BABAM1: variants seen among roughly 807,000 people sequenced by gnomAD.
BABAM1 encodes the protein BRISC and BRCA1-A complex member 1.
A neutral mutation model predicts 34.4 loss-of-function variants in BABAM1; 14 were observed. The ratio of observed to expected loss-of-function variants is 0.41; its 90% CI spans 0.27 to 0.64. BABAM1 has a LOEUF of 0.64. Ranked by LOEUF, BABAM1 falls within the 30% of genes least tolerant of loss-of-function variation. BABAM1 has a pLI of 0.34. For synonymous variants in BABAM1, 169 were observed against 165.8 expected (o/e 1.02, Z -0.15); for missense variants, 393 against 434.0 (o/e 0.91, Z 0.84).
chr19:17,276,996 C>A, intron 8 of BABAM1, 87 bp downstream of exon 8: 1 of 1,290,448 alleles, frequency 7.7e-7, no homozygotes, highest in South Asian at 1.3e-5. Flanking sequence ...GGGTCTCTAC[C>A]TCCATTTGAT....
chr19:17,275,478 C>A (rs2073897292), intron 5 of BABAM1, among the ~76,000 whole-genome samples: 1 of 151,924 alleles, frequency 6.6e-6, no homozygotes, highest in African/African-American at 2.4e-5. Context: ...TTAGTAGAGA[C>A]AGGGTTTCAC....
intron 3 of BABAM1, among the ~76,000 whole-genome samples, chr19:17,273,482 A>G (rs1256458503): frequency 6.6e-6 from 1 of 151,396 alleles, no homozygotes; most frequent in Non-Finnish European, 1.5e-5. Context: ...ACACCCCTGC[A>G]GTATGACCTA....
chr19:17,272,383 C>T (rs568018377), intron 3 of BABAM1, among the ~76,000 whole-genome samples: 9 of 150,838 alleles, frequency 6.0e-5, no homozygotes, highest in Non-Finnish European at 7.4e-5. Flanking sequence ...CCAGCCTGGG[C>T]GACAGAGCGA....
chr19:17,269,736 T>TTTG (rs1363223470), intron 2 of BABAM1, among the ~76,000 whole-genome samples: 309 of 151,666 alleles, frequency 2.0e-3, no homozygotes, highest in African/African-American at 7.0e-3. Flanking sequence ...AATTTTTTTT[T>TTTG]TTTGTTTTTT....
At chr19:17,276,667 G>T in intron 7 of BABAM1, 43 bp downstream of exon 7, 1 of 1,577,198 alleles carries the variant, frequency 6.3e-7, no homozygotes, top group Non-Finnish European at 8.6e-7. Flanking sequence ...GCAGCCATGA[G>T]GATGGTGGTT....
Position 17,273,942 on chromosome 19 carries a change from T to C in BABAM1, c.383T>C (p.Ile128Thr), listed in dbSNP as rs1313122615. 2.5e-6 allele frequency: 4 copies of C among 1,613,576 alleles called. No homozygotes were observed. The highest frequency in any genetic ancestry group is 3.4e-6 in the Non-Finnish European group (4 of 1,179,816). The change falls in exon 4 of 9, where the codon ATT (isoleucine) becomes ACT (threonine). Residue 128 changes from isoleucine (I) to threonine (T), a missense_variant. Transcript: ENST00000598188. ...TNALNVSQKM[I>T]EMFVRTKHKI... is the part of the protein sequence containing the mutation. ...GCCCTCAATGTCTCCCAGAAGATGA[T>C]TGAGATGTTCGTGCGGACAAAACAC...
intron 6 of BABAM1, among the ~76,000 whole-genome samples, chr19:17,276,030 C>T (rs1282633318): frequency 3.3e-5 from 5 of 152,020 alleles, no homozygotes; most frequent in Non-Finnish European, 5.9e-5. Flanking sequence ...CTCCAGCTGA[C>T]GGCAGTGATG....
chr19:17,279,038 C>A lies in BABAM1; in HGVS notation c.980C>A (p.Ala327Asp). The A allele has an allele frequency of 1.2e-6, 2 of 1,610,858 alleles. No individual in the cohort carries two copies. The highest frequency in any genetic ancestry group is 2.2e-5 in the East Asian group (1 of 44,826). The change falls in exon 9 of 9, where the codon GCC becomes GAC. Residue 327 changes from alanine to aspartate, a missense_variant. Ala to Asp is a moderately radical substitution (Grantham distance 126). Transcript: ENST00000598188. ...EEEDEAIEVE[A>D]TV ...GAGGATGAAGCCATTGAGGTTGAGG[C>A]CACTGTCTGAACCATCCCTGTACAT...
chr19:17,271,011 CAG>C (rs1025488808), intron 2 of BABAM1, among the ~76,000 whole-genome samples: 6 of 141,382 alleles, frequency 4.2e-5, no homozygotes, highest in African/African-American at 1.3e-4. Context: ...TTTTTTGAGA[CAG>C]AGTTTCACTC....
intron 3 of BABAM1, 87 bp downstream of exon 3, chr19:17,271,742 A>T: frequency 6.9e-7 from 1 of 1,453,302 alleles, no homozygotes; most frequent in Non-Finnish European, 9.5e-7. Flanking sequence ...TCTGAAACTC[A>T]CACCAGCTTG....
rs763354003 is a variant in BABAM1 at position 17,276,629 on chromosome 19, G to A, written c.699+5G>A. 3 of 1,600,946 alleles carry A rather than the reference G, an allele frequency of 1.9e-6. No homozygotes were observed. Among genetic ancestry groups the A allele is most frequent in the Non-Finnish European group, 2.6e-6 (3 of 1,173,944 alleles). ...TCCTTGACGGAGCCCATGAAGGTGG[G>A]TGAGGCCTGGGAGAGGGAGGGGTGC... On this transcript the variant is annotated splice_donor_5th_base_variant and intron_variant, in intron 7 of 8. Coordinates refer to ENST00000598188, the MANE Select transcript of BABAM1 (RefSeq NM_014173.4).
At chr19:17,278,510 T>C (rs573148601) in intron 8 of BABAM1, among the ~76,000 whole-genome samples, 124 of 152,104 alleles carry the variant, frequency 8.2e-4, no homozygotes, top group African/African-American at 2.7e-3. Flanking sequence ...GGGGTTTCAC[T>C]GTGTTAGCCA....
At chr19:17,274,499 C>T (rs948762276) in intron 5 of BABAM1, 13 of 335,702 alleles carry the variant, frequency 3.9e-5, no homozygotes, top group Admixed American at 8.9e-5. Context: ...GTCCGGGAGG[C>T]GGAGGTTGCA....
At chr19:17,272,517 T>C (rs1014766782) in intron 3 of BABAM1, among the ~76,000 whole-genome samples, 1 of 151,444 alleles carries the variant, frequency 6.6e-6, no homozygotes, top group African/African-American at 2.4e-5. Context: ...GCCATTCTCC[T>C]GCCTCAGCCT....
At chr19:17,277,605 C>G (rs1187966096) in intron 8 of BABAM1, 5 of 152,322 alleles carry the variant, frequency 3.3e-5, no homozygotes, top group Non-Finnish European at 5.9e-5. Context: ...CATCCCAGAC[C>G]TGAATTAGCT....
chr19:17,277,132 G>A, intron 8 of BABAM1: 1 of 502,308 alleles, frequency 2.0e-6, no homozygotes, highest in South Asian at 3.1e-5. Flanking sequence ...GTTGAGTCCT[G>A]CCTCCCCCAT....
rs1265626247 is a variant in BABAM1 at position 17,274,153 on chromosome 19, A to G, written c.512A>G (p.Tyr171Cys). The stretch of plus-strand genomic sequence containing the variant: ...CCCCGCGAGCTCTGTAGCTGCCTCT[A>G]TGATCTGGAGACGGCCTCCTGTTCC... ...SDPRELCSCL[Y>C]DLETASCSTF... Residue 171 changes from tyrosine to cysteine, a missense_variant, in exon 5 of 9, where the codon TAT (tyrosine) becomes TGT (cysteine). Transcript: ENST00000598188. The G allele has an allele frequency of 1.2e-6, 2 of 1,613,456 alleles. No homozygotes were observed.
At chr19:17,268,290 T>G (rs1439007040) in intron 1 of BABAM1, among the ~76,000 whole-genome samples, 1 of 151,842 alleles carries the variant, frequency 6.6e-6, no homozygotes, top group East Asian at 1.9e-4. Flanking sequence ...GGGGGACTGT[T>G]ATCTTATGTC....
Position 17,278,884 on chromosome 19 carries a change from A to C in BABAM1, c.826A>C (p.Thr276Pro), listed in dbSNP as rs761626517. 2.3e-5 allele frequency: 37 copies of C among 1,613,448 alleles called. No individual in the cohort carries two copies. The highest frequency in any genetic ancestry group is 5.5e-5 in the South Asian group (5 of 91,014). ...CATGGGCAGCCTGGATACCAAGGGT[A>C]CCAGCTACAAGTATGAGGTGGCACT... Reference protein sequence around the residue: ...AFMGSLDTKGTSYKYEVALAG... With the variant: ...AFMGSLDTKGPSYKYEVALAG... The change falls in exon 9 of 9, where the codon ACC becomes CCC. Residue 276 changes from threonine (T) to proline (P), a missense_variant. Physicochemically the swap from Thr to Pro is conservative, Grantham distance 38. Transcript: ENST00000598188.
Sources: allele counts gnomAD v4.1 joint callset (sites outside exome capture counted in the v4.1 genomes callset), GRCh38; gene constraint gnomAD v4.1.1; transcripts MANE v1.5; gene names NCBI Gene and HGNC (gene_info 2026-07-23, HGNC 2026-07-21).